DLGAP2: variants seen among roughly 807,000 people sequenced by gnomAD.
DLGAP2 encodes disks large-associated protein 2.
A neutral mutation model predicts 100.3 loss-of-function variants in DLGAP2; 26 were observed. The ratio of observed to expected loss-of-function variants is 0.26; its 90% CI spans 0.19 to 0.36. DLGAP2 has a LOEUF of 0.36. Among genes scored for constraint, DLGAP2 ranks in the 10% least tolerant of loss-of-function variants. The probability of loss-of-function intolerance (pLI) is 1.00; values close to 1 mark genes in which losing one functional copy is unlikely to be tolerated. For missense variants in DLGAP2, 1,858 were observed against 1,453.2 expected (o/e 1.28, Z -4.53); for synonymous variants, 886 against 630.1 (o/e 1.41, Z -6.08).
chr8:1,698,318 CA>C (rs1282757297), intron 14 of DLGAP2, among the ~76,000 whole-genome samples: 4 of 151,832 alleles, frequency 2.6e-5, no homozygotes, highest in African/African-American at 4.8e-5. Flanking sequence ...ATGTGTGGGA[CA>C]GGTCCATGTA....
intron 2 of DLGAP2, among the ~76,000 whole-genome samples, chr8:1,080,136 G>A (rs1327040234): frequency 6.6e-6 from 1 of 152,214 alleles, no homozygotes; most frequent in Non-Finnish European, 1.5e-5. Context: ...TTCGCTGGGG[G>A]GTTGCAGTGG....
At chr8:1,275,965 AATAT>A (rs1475958271) in intron 3 of DLGAP2, among the ~76,000 whole-genome samples, 1 of 126,038 alleles carries the variant, frequency 7.9e-6, no homozygotes, top group Non-Finnish European at 1.6e-5. Flanking sequence ...ATAAATATAT[AATAT>A]ATATAAATAT....
At chr8:860,435 G>C (rs201565942) in intron 1 of DLGAP2, among the ~76,000 whole-genome samples, 2 of 152,154 alleles carry the variant, frequency 1.3e-5, no homozygotes, top group African/African-American at 2.4e-5. Flanking sequence ...ATTATCCATC[G>C]CCTTGGCTTT....
At chr8:1,275,447 C>G (rs1031229681) in intron 3 of DLGAP2, among the ~76,000 whole-genome samples, 7 of 151,558 alleles carry the variant, frequency 4.6e-5, no homozygotes, top group South Asian at 2.1e-4. Context: ...GCCTTGGACA[C>G]TGGTCCTGGG....
chr8:1,628,020 G>T (rs4875881), intron 7 of DLGAP2, among the ~76,000 whole-genome samples: 243 of 72,526 alleles, frequency 3.4e-3, no homozygotes, highest in African/African-American at 0.017. Flanking sequence ...CTCACATTCT[G>T]TCTGACTTAC....
chr8:1,126,209 A>G (rs987591502), intron 2 of DLGAP2, among the ~76,000 whole-genome samples: 1 of 152,180 alleles, frequency 6.6e-6, no homozygotes, highest in Non-Finnish European at 1.5e-5. Flanking sequence ...AGAGCCATGG[A>G]TTTTCACAGC....
chr8:1,102,163 C>G (rs974836058), intron 2 of DLGAP2, among the ~76,000 whole-genome samples: 1 of 148,642 alleles, frequency 6.7e-6, no homozygotes, highest in Admixed American at 6.7e-5. Context: ...TATATTCAAG[C>G]TTTTACTAAT....
intron 1 of DLGAP2, among the ~76,000 whole-genome samples, chr8:822,589 A>G (rs759258562): frequency 6.6e-6 from 1 of 152,232 alleles, no homozygotes; most frequent in Non-Finnish European, 1.5e-5. Context: ...CTCCGAATGA[A>G]TCTGTGCATT....
intron 3 of DLGAP2, among the ~76,000 whole-genome samples, chr8:1,334,708 G>C (rs555848844): frequency 1.3e-5 from 2 of 152,098 alleles, no homozygotes; most frequent in Non-Finnish European, 2.9e-5. Context: ...CTCCACAGCA[G>C]CCAGGCCGTG....
In DLGAP2 at chr8:1,507,576, T is replaced by C. The variant is rs546357858; in HGVS notation, c.172+6145T>C. Among the ~76,000 whole-genome samples the C allele has an allele frequency of 1.2e-4, 19 of 152,186 alleles. No homozygotes were observed. In the South Asian group the frequency reaches 3.7e-3, roughly 30 times the overall value. ...GCCAGCCCCCAGGGCAGTGGCTGGCTGAAGGGCTCCTCAAGTGCGGCCGGA... is the reference window on the plus strand; with the variant it reads ...GCCAGCCCCCAGGGCAGTGGCTGGCCGAAGGGCTCCTCAAGTGCGGCCGGA... On this transcript the variant is annotated intron_variant, in intron 4 of 14. Coordinates refer to ENST00000637795, the MANE Select transcript of DLGAP2 (RefSeq NM_001346810.2).
At chr8:1,145,646 G>T (rs1401376971) in intron 2 of DLGAP2, among the ~76,000 whole-genome samples, 1 of 151,744 alleles carries the variant, frequency 6.6e-6, no homozygotes, top group Non-Finnish European at 1.5e-5. Flanking sequence ...AAGTTTTAGG[G>T]TACATGTGCA....
chr8:980,168 A>C (rs1450935116), intron 2 of DLGAP2, among the ~76,000 whole-genome samples: 1 of 152,184 alleles, frequency 6.6e-6, no homozygotes, highest in Non-Finnish European at 1.5e-5. Flanking sequence ...ACAAATCTAT[A>C]ACTTGGAGGG....
At chr8:1,314,545 C>G (rs1800684552) in intron 3 of DLGAP2, among the ~76,000 whole-genome samples, 1 of 152,196 alleles carries the variant, frequency 6.6e-6, no homozygotes, top group African/African-American at 2.4e-5. Context: ...GAGTTACCCT[C>G]CAGCCACCAT....
chr8:990,331 C>T lies in DLGAP2; in HGVS notation c.73+82365C>T, dbSNP rs556615699. Among the ~76,000 whole-genome samples, 262 of 145,506 alleles carry T rather than the reference C, an allele frequency of 1.8e-3. 1 individual carries two copies. The highest frequency in any genetic ancestry group is 6.4e-3 in the African/African-American group (246 of 38,150). On this transcript the variant is annotated intron_variant, in intron 2 of 14. Transcript: ENST00000637795. ...CCCAGACCCCCTGCACCCCCATACT[C>T]GGAGTTCCTGTTCTTCTCTCCCTCC...
At chr8:1,176,334 C>T (rs11988562) in intron 2 of DLGAP2, among the ~76,000 whole-genome samples, 12 of 152,138 alleles carry the variant, frequency 7.9e-5, no homozygotes, top group African/African-American at 2.9e-4. Context: ...TCGCTCCACA[C>T]ATGGGGATTA....
intron 3 of DLGAP2, among the ~76,000 whole-genome samples, chr8:1,284,328 A>G (rs73670711): frequency 0.022 from 3,348 of 152,222 alleles, 126 homozygotes; most frequent in African/African-American, 0.077. Flanking sequence ...CTGTGCAGGT[A>G]TCTGGTATCC....
intron 2 of DLGAP2, among the ~76,000 whole-genome samples, chr8:1,116,833 T>A (rs1019303752): frequency 6.6e-6 from 1 of 152,120 alleles, no homozygotes; most frequent in African/African-American, 2.4e-5. Context: ...GAATATTCAT[T>A]ACTGTATCTG....
chr8:852,883 C>T (rs867579098), intron 1 of DLGAP2, among the ~76,000 whole-genome samples: 6 of 151,882 alleles, frequency 4.0e-5, no homozygotes, highest in East Asian at 2.0e-4. Context: ...GTTTATGGAT[C>T]CCCTGGCCGA....
chr8:1,245,994 A>G (rs1563035885), intron 2 of DLGAP2, among the ~76,000 whole-genome samples: 1 of 152,180 alleles, frequency 6.6e-6, no homozygotes, highest in Non-Finnish European at 1.5e-5. Flanking sequence ...ATTGAGGAAG[A>G]ACTCTTTCTA....
Sources: allele counts gnomAD v4.1 joint callset (sites outside exome capture counted in the v4.1 genomes callset), GRCh38; gene constraint gnomAD v4.1.1; transcripts MANE v1.5; gene names NCBI Gene and HGNC (gene_info 2026-07-23, HGNC 2026-07-21).